Variants in PCDHGC3 observed in about 807,000 individuals in gnomAD.
PCDHGC3 encodes protocadherin gamma-C3.
A neutral mutation model predicts 59.2 loss-of-function variants in PCDHGC3; 26 were observed. That is an observed-to-expected ratio of 0.44 (90% confidence interval 0.32 to 0.61). PCDHGC3 has a LOEUF of 0.61. PCDHGC3 is among the 20% of genes least tolerant of loss of function. The pLI is 0.05. For synonymous variants in PCDHGC3, 487 were observed against 519.7 expected (o/e 0.94, Z 0.86); for missense variants, 1,080 against 1,221.8 (o/e 0.88, Z 1.73).
chr5:141,489,013 C>T lies in PCDHGC3; in HGVS notation c.2431-5794C>T, dbSNP rs533320646. ...AGGTGGGAGATCTGCTCTTCCAGCC[C>T]GCCTCTCCTCCTCCAGCTCCCCAGC... On this transcript the variant is annotated intron_variant, in intron 1 of 3. Coordinates refer to ENST00000308177, the MANE Select transcript of PCDHGC3 (RefSeq NM_002588.4). The surrounding 1 kb of genome is among the most constrained non-coding windows in gnomAD (Gnocchi z 4.5). 4.6e-5 allele frequency: 20 copies of T among 438,612 alleles called. No homozygotes were observed. Among genetic ancestry groups the T allele is most frequent in the East Asian group, 2.7e-4 (8 of 29,802 alleles). The allele number at this position is 438,612 out of a possible 1,614,324, so 27.2% of individuals were successfully genotyped here.
chr5:141,505,742 G>A (rs1024914690), intron 3 of PCDHGC3, among the ~76,000 whole-genome samples: 1 of 152,150 alleles, frequency 6.6e-6, no homozygotes, highest in Non-Finnish European at 1.5e-5. Flanking sequence ...TACAAGTCTA[G>A]CTCTGGAATG....
In PCDHGC3 at chr5:141,512,839, C is replaced by T. The variant is rs141207714; in HGVS notation, c.*1666C>T. ...GACCCCCTCCCCCGTACTGACTTCTCCTATAAGCGCTTCTCTTCGCATAGT... is the reference window on the plus strand; with the variant it reads ...GACCCCCTCCCCCGTACTGACTTCTTCTATAAGCGCTTCTCTTCGCATAGT... On this transcript the variant is annotated 3_prime_UTR_variant, in exon 4 of 4. Transcript: ENST00000308177. 278 of 152,216 alleles carry T rather than the reference C, an allele frequency of 1.8e-3. 2 individuals are homozygous for T. Among genetic ancestry groups the T allele is most frequent in the Middle Eastern group, 0.01 (3 of 292 alleles). 9.4% of individuals were successfully genotyped at this position (152,216 alleles called of 1,614,324 possible). A position where few individuals can be genotyped will look rare whatever the true frequency, so the allele number is the denominator to read the frequency against.
intron 1 of PCDHGC3, among the ~76,000 whole-genome samples, chr5:141,484,535 A>G (rs2099597486): frequency 6.6e-6 from 1 of 152,178 alleles, no homozygotes. Flanking sequence ...AGTATATGGC[A>G]GTGGTTCTAA....
At chr5:141,481,323 C>T (rs539518691) in intron 1 of PCDHGC3, among the ~76,000 whole-genome samples, 1 of 152,284 alleles carries the variant, frequency 6.6e-6, no homozygotes, top group Non-Finnish European at 1.5e-5. Flanking sequence ...AAAGCACTAG[C>T]CCCTGGACAA....
Position 141,491,608 on chromosome 5 carries a change from C to T in PCDHGC3, c.2431-3199C>T. On this transcript the variant is annotated intron_variant, in intron 1 of 3. Transcript: ENST00000308177. This position sits in a 1 kb window ranked among gnomAD's most constrained non-coding sequence, Gnocchi z 6.9. Reference sequence around the variant, plus strand: ...CTCGGACGGCAGTGACTTCACTTTTCTAAGACCCCTCAGCGTTCAGCAGCC... The same window carrying T: ...CTCGGACGGCAGTGACTTCACTTTTTTAAGACCCCTCAGCGTTCAGCAGCC... 6.2e-7 allele frequency: 1 copy of T among 1,613,942 alleles called. No individual in the cohort carries two copies. The highest frequency in any genetic ancestry group is 1.1e-5 in the South Asian group (1 of 91,086).
chr5:141,491,945 C>T lies in PCDHGC3; in HGVS notation c.2431-2862C>T. ...GAGGGGAGGTGGGACCGACCCCCAC[C>T]CCTACACTCAAAAAAGGCCGGGGCC... On this transcript the variant is annotated intron_variant, in intron 1 of 3. Coordinates refer to ENST00000308177, the MANE Select transcript of PCDHGC3 (RefSeq NM_002588.4). The surrounding 1 kb of genome is among the most constrained non-coding windows in gnomAD (Gnocchi z 6.9). 1.8e-6 allele frequency: 2 copies of T among 1,116,616 alleles called. No individual in the cohort carries two copies. 69.2% of individuals were successfully genotyped at this position (1,116,616 alleles called of 1,614,324 possible). A position where few individuals can be genotyped will look rare whatever the true frequency, so the allele number is the denominator to read the frequency against.
chr5:141,509,056 G>C (rs1303823294), intron 3 of PCDHGC3, among the ~76,000 whole-genome samples: 1 of 152,178 alleles, frequency 6.6e-6, no homozygotes, highest in Non-Finnish European at 1.5e-5. Flanking sequence ...CCCCCAGAAA[G>C]CTCTCAGCTC....
intron 2 of PCDHGC3, among the ~76,000 whole-genome samples, chr5:141,497,905 C>T (rs1052659134): frequency 6.6e-6 from 1 of 152,178 alleles, no homozygotes; most frequent in Non-Finnish European, 1.5e-5. Context: ...GTAACTTCAA[C>T]TTCTCTCCTT....
In PCDHGC3 at chr5:141,490,584, T is replaced by C; in HGVS notation, c.2431-4223T>C. The stretch of plus-strand genomic sequence containing the variant: ...TCAGGCTCAACATTTCAGATGTCAA[T>C]GACAATGCACCCCGCTTCAACCAGC... On this transcript the variant is annotated intron_variant, in intron 1 of 3. Coordinates refer to ENST00000308177, the MANE Select transcript of PCDHGC3 (RefSeq NM_002588.4). The surrounding 1 kb of genome is among the most constrained non-coding windows in gnomAD (Gnocchi z 5.4). 6.2e-7 allele frequency: 1 copy of C among 1,614,170 alleles called. No individual in the cohort carries two copies. Among genetic ancestry groups the C allele is most frequent in the South Asian group, 1.1e-5 (1 of 91,080 alleles).
In PCDHGC3 at chr5:141,491,942, C is replaced by A; in HGVS notation, c.2431-2865C>A. The A allele has an allele frequency of 8.9e-7, 1 of 1,122,490 alleles. No individual in the cohort carries two copies. The highest frequency in any genetic ancestry group is 1.2e-6 in the Non-Finnish European group (1 of 824,374). 69.5% of individuals were successfully genotyped at this position (1,122,490 alleles called of 1,614,324 possible). The stretch of plus-strand genomic sequence containing the variant: ...GGCGAGGGGAGGTGGGACCGACCCC[C>A]ACCCCTACACTCAAAAAAGGCCGGG... On this transcript the variant is annotated intron_variant, in intron 1 of 3. Transcript: ENST00000308177. The surrounding 1 kb of genome is among the most constrained non-coding windows in gnomAD (Gnocchi z 6.9).
chr5:141,495,041 G>A, intron 2 of PCDHGC3, 176 bp downstream of exon 2: 1 of 942,350 alleles, frequency 1.1e-6, no homozygotes, highest in Non-Finnish European at 1.3e-6. Flanking sequence ...AGGAAGAGGC[G>A]ACTGCCCTGA....
intron 1 of PCDHGC3, among the ~76,000 whole-genome samples, chr5:141,484,319 C>T (rs1191113560): frequency 6.6e-6 from 1 of 152,212 alleles, no homozygotes; most frequent in Non-Finnish European, 1.5e-5. Context: ...CGCTTCCATA[C>T]TGTCCTTGAA....
rs956295940 is a variant in PCDHGC3 at position 141,477,700 on chromosome 5, G to T, written c.1584G>T (p.Glu528Asp). The T allele has an allele frequency of 1.2e-6, 2 of 1,613,954 alleles. No individual in the cohort carries two copies. Among genetic ancestry groups the T allele is most frequent in the African/African-American group, 2.7e-5 (2 of 74,928 alleles). The change falls in exon 1 of 4, where the codon GAG (glutamate) becomes GAT (aspartate). Residue 528 changes from glutamate to aspartate, a missense_variant. Physicochemically the swap from Glu to Asp is conservative, Grantham distance 45. Coordinates refer to ENST00000308177, the MANE Select transcript of PCDHGC3 (RefSeq NM_002588.4). This position sits in a 1 kb window ranked among gnomAD's most constrained non-coding sequence, Gnocchi z 4.9. ...IVSSLVPLDY[E>D]DRREFELTAH... is the part of the protein sequence containing the mutation. ...CATCCTTAGTGCCCCTAGACTATGAGGATCGGCGGGAATTTGAATTAACAG... is the reference window on the plus strand; with the variant it reads ...CATCCTTAGTGCCCCTAGACTATGATGATCGGCGGGAATTTGAATTAACAG...
chr5:141,492,880 T>C (rs1204475362), intron 1 of PCDHGC3, among the ~76,000 whole-genome samples: 2 of 152,184 alleles, frequency 1.3e-5, no homozygotes, highest in African/African-American at 4.8e-5. Context: ...CCCCCAGAGA[T>C]ACAGGCTTTT....
chr5:141,509,900 C>T (rs2099878860), intron 3 of PCDHGC3, among the ~76,000 whole-genome samples: 1 of 152,186 alleles, frequency 6.6e-6, no homozygotes, highest in Admixed American at 6.5e-5. Context: ...CTGTCCCTTC[C>T]AGCATGCGCT....
In PCDHGC3 at chr5:141,487,365, G is replaced by A. The variant is rs1466536791; in HGVS notation, c.2431-7442G>A. On this transcript the variant is annotated intron_variant, in intron 1 of 3. Coordinates refer to ENST00000308177, the MANE Select transcript of PCDHGC3 (RefSeq NM_002588.4). This position sits in a 1 kb window ranked among gnomAD's most constrained non-coding sequence, Gnocchi z 5.0. ...GTCACATGCTTTCCTGCTGGCACCT[G>A]TGCCTGTCTCACCAGATCTCGAAGG... The A allele has an allele frequency of 1.2e-6, 2 of 1,614,068 alleles. No homozygotes were observed. Among genetic ancestry groups the A allele is most frequent in the South Asian group, 1.1e-5 (1 of 91,088 alleles).
intron 1 of PCDHGC3, among the ~76,000 whole-genome samples, chr5:141,481,063 C>T (rs2154578481): frequency 6.6e-6 from 1 of 151,952 alleles, no homozygotes; most frequent in Middle Eastern, 3.4e-3. Context: ...ACCTCAAAAA[C>T]AAAAAGAAAG....
At position 141,489,644 on chromosome 5, in the gene PCDHGC3, C is replaced by T. The variant is rs1244782345; in HGVS notation, c.2431-5163C>T. 11 of 1,614,070 alleles carry T rather than the reference C, an allele frequency of 6.8e-6. No individual in the cohort carries two copies. The Admixed American group carries it at 1.8e-4, about 27-fold the overall frequency. ...AATGACAACTCTCCTAGCTTTGCCA[C>T]CCCTGAGCGAGAGATGCGCATCTCA... is the stretch of plus-strand genomic sequence containing the variant. On this transcript the variant is annotated intron_variant, in intron 1 of 3. Coordinates refer to ENST00000308177, the MANE Select transcript of PCDHGC3 (RefSeq NM_002588.4). The surrounding 1 kb of genome is among the most constrained non-coding windows in gnomAD (Gnocchi z 4.5).
At chr5:141,498,971 G>A (rs866066098) in intron 2 of PCDHGC3, among the ~76,000 whole-genome samples, 16 of 111,052 alleles carry the variant, frequency 1.4e-4, no homozygotes, top group African/African-American at 2.5e-4. Context: ...GAGGGAGGGA[G>A]GGAAGGAAGG....
Sources: gnomAD v4.1 joint callset for allele counts (sites outside exome capture counted in the v4.1 genomes callset) on GRCh38, gnomAD v4.1.1 for gene constraint, Gnocchi (gnomAD v3.1) non-coding constraint, MANE v1.5 for transcripts, NCBI Gene and HGNC (gene_info 2026-07-23, HGNC 2026-07-21) for gene names.